CLASRP: variants seen among roughly 807,000 people sequenced by gnomAD.
The protein encoded by CLASRP is CLK4-associating serine/arginine rich protein.
In CLASRP, 52 loss-of-function variants were observed where a neutral mutation model predicts 99.9. That is an observed-to-expected ratio of 0.52 (90% confidence interval 0.42 to 0.66). The LOEUF (loss-of-function observed/expected upper bound fraction) is 0.66. CLASRP is among the 30% of genes least tolerant of loss of function. CLASRP has a pLI of 0.00. For missense variants in CLASRP, 848 were observed against 999.2 expected, an observed-to-expected ratio of 0.85 and a Z score of 2.04; for synonymous variants, 379 against 373.0, an observed-to-expected ratio of 1.02 and a Z score of -0.18.
intron 10 of CLASRP, 103 bp from the exon 11 acceptor site, chr19:45,062,051 C>A: frequency 1.3e-6 from 1 of 791,140 alleles, no homozygotes; most frequent in Non-Finnish European, 2.2e-6. Context: ...CTCACTGTGC[C>A]AGGTACCTAG....
At chr19:45,061,417 A>G (rs377585472) in intron 10 of CLASRP, among the ~76,000 whole-genome samples, 60 of 151,736 alleles carry the variant, frequency 4.0e-4, no homozygotes, top group African/African-American at 1.3e-3. Context: ...AATGCTGGAC[A>G]AGTGACTTCA....
At chr19:45,056,805 C>T (rs1972127642) in intron 6 of CLASRP, among the ~76,000 whole-genome samples, 1 of 152,202 alleles carries the variant, frequency 6.6e-6, no homozygotes, top group African/African-American at 2.4e-5. Context: ...TGAGTCCTGG[C>T]TGTGAGGCCC....
At position 45,057,752 on chromosome 19, in the gene CLASRP, T is replaced by A; in HGVS notation, c.467T>A (p.Leu156Gln). 3.7e-6 allele frequency: 6 copies of A among 1,613,944 alleles called. No homozygotes were observed. The highest frequency in any genetic ancestry group is 5.1e-6 in the Non-Finnish European group (6 of 1,179,890). ...QRPSEDEKKK[L>Q]AEKKASIGYT... is the part of the protein sequence containing the mutation. ...GCTTACCAGCTCCCCTTTCTCAGGC[T>A]GGCAGAGAAGAAGGCTTCCATCGGT... is the stretch of plus-strand genomic sequence containing the variant. The change falls in exon 7 of 21, where the codon CTG (leucine) becomes CAG (glutamine). Residue 156 changes from leucine (L) to glutamine (Q), a missense_variant and splice_region_variant. Around this residue, in one of 8 missense-constraint regions of CLASRP, gnomAD observed 119 missense variants for 170.2 expected, o/e 0.70. Coordinates refer to ENST00000221455, the MANE Select transcript of CLASRP (RefSeq NM_007056.3).
At chr19:45,040,094 C>T (rs1265438476) in intron 1 of CLASRP, 90 bp from the exon 2 acceptor site, 3 of 655,478 alleles carry the variant, frequency 4.6e-6, no homozygotes, top group East Asian at 2.9e-5. Flanking sequence ...TGTTTGGGAT[C>T]GACTCTGCCA....
At chr19:45,043,510 T>C (rs1971857059) in intron 2 of CLASRP, among the ~76,000 whole-genome samples, 1 of 152,044 alleles carries the variant, frequency 6.6e-6, no homozygotes, top group African/African-American at 2.4e-5. Context: ...GTCACGTTTG[T>C]ACCCTAGGGT....
intron 13 of CLASRP, among the ~76,000 whole-genome samples, chr19:45,066,475 T>C (rs535787411): frequency 3.0e-4 from 45 of 151,742 alleles, no homozygotes; most frequent in African/African-American, 8.2e-4. Context: ...ATTCAAAAAT[T>C]AGCCGGGTGT....
intron 7 of CLASRP, 183 bp downstream of exon 7, chr19:45,058,081 T>C: frequency 4.5e-6 from 3 of 666,340 alleles, no homozygotes; most frequent in Non-Finnish European, 5.1e-6. Flanking sequence ...CCGGCCTTCC[T>C]CTGCCTCACT....
intron 13 of CLASRP, 78 bp downstream of exon 13, chr19:45,064,708 G>C: frequency 6.8e-7 from 1 of 1,462,402 alleles, no homozygotes; most frequent in South Asian, 1.4e-5. Flanking sequence ...TGCTCAGAGG[G>C]AGGAAACCTG....
Position 45,067,392 on chromosome 19 carries a change from C to A in CLASRP, c.1465C>A (p.His489Asn). 1 of 1,534,834 alleles carries A rather than the reference C, an allele frequency of 6.5e-7. No individual in the cohort carries two copies. The highest frequency in any genetic ancestry group is 8.7e-7 in the Non-Finnish European group (1 of 1,145,138). ...YRRGGRGLRH[H>N]SSSRSRSSWS... is the part of the protein sequence containing the mutation. ...GCGGGGCGGCCGGGGCCTCAGGCAC[C>A]ACAGCAGTAGCCGCAGCCGCAGCAG... Residue 489 changes from histidine to asparagine, a missense_variant, in exon 14 of 21, where the codon CAC (histidine) becomes AAC (asparagine). Around this residue, in one of 8 missense-constraint regions of CLASRP, gnomAD observed 489 missense variants for 434.7 expected, o/e 1.12. Coordinates refer to ENST00000221455, the MANE Select transcript of CLASRP (RefSeq NM_007056.3). The surrounding 1 kb of genome is among the most constrained non-coding windows in gnomAD (Gnocchi z 4.9).
intron 2 of CLASRP, chr19:45,047,375 G>A (rs1971938406): frequency 7.4e-6 from 1 of 135,214 alleles, no homozygotes; most frequent in Non-Finnish European, 1.5e-5. Flanking sequence ...TCACACCACT[G>A]TACTCCAGCC....
At chr19:45,062,291 C>G (rs933109726) in intron 11 of CLASRP, 96 bp downstream of exon 11, 4 of 795,602 alleles carry the variant, frequency 5.0e-6, no homozygotes, top group African/African-American at 3.4e-5. Flanking sequence ...CCCTGCTAGG[C>G]CACCCCAAGA....
In CLASRP at chr19:45,067,615, G is replaced by A. The variant is rs758067299; in HGVS notation, c.1667+21G>A. ...AAAAAGTGAGCGGGGCGGGTCTGGA[G>A]GAAGAGGGCTGCCAATCTCGGGTGG... On this transcript the variant is annotated intron_variant, in intron 14 of 20. Transcript: ENST00000221455. This position sits in a 1 kb window ranked among gnomAD's most constrained non-coding sequence, Gnocchi z 4.9. 5.7e-5 allele frequency: 90 copies of A among 1,569,620 alleles called. No individual in the cohort carries two copies. The highest frequency in any genetic ancestry group is 7.5e-5 in the Non-Finnish European group (87 of 1,158,378).
rs185440418 is a variant in CLASRP at position 45,056,720 on chromosome 19, C to G, written c.464+186C>G. Among the ~76,000 whole-genome samples the G allele has an allele frequency of 3.7e-3, 566 of 152,280 alleles. 2 individuals carry two copies. Among genetic ancestry groups the G allele is most frequent in the African/African-American group, 0.013 (538 of 41,552 alleles). ...GCCCTGTCAGGGGGCCCCGGCTTGCCGAGGGCTCTGCGTTACATTTTCAGC... is the reference window on the plus strand; with the variant it reads ...GCCCTGTCAGGGGGCCCCGGCTTGCGGAGGGCTCTGCGTTACATTTTCAGC... On this transcript the variant is annotated intron_variant, in intron 6 of 20. Transcript: ENST00000221455.
intron 11 of CLASRP, among the ~76,000 whole-genome samples, chr19:45,063,027 G>T (rs1966976710): frequency 6.6e-6 from 1 of 152,162 alleles, no homozygotes; most frequent in Admixed American, 6.5e-5. Flanking sequence ...ATGGGGCTGT[G>T]GGTCGAGGTT....
At position 45,070,005 on chromosome 19, in the gene CLASRP, A is replaced by C. The variant is rs769220760; in HGVS notation, c.1875-17A>C. 1 of 1,478,964 alleles carries C rather than the reference A, an allele frequency of 6.8e-7. No individual in the cohort carries two copies. Among genetic ancestry groups the C allele is most frequent in the Admixed American group, 1.7e-5 (1 of 59,840 alleles). The allele number at this position is 1,478,964 out of a possible 1,614,324, so 91.6% of individuals were successfully genotyped here. ...GTCCAGTGTTCCCGGCCAGATGCTC[A>C]TGCCATGCCTTCGCAGGGAGCGGGA... On this transcript the variant is annotated splice_polypyrimidine_tract_variant and intron_variant, in intron 18 of 20. Coordinates refer to ENST00000221455, the MANE Select transcript of CLASRP (RefSeq NM_007056.3).
At chr19:45,054,375 A>ATT (rs1380147976) in intron 5 of CLASRP, among the ~76,000 whole-genome samples, 2 of 152,070 alleles carry the variant, frequency 1.3e-5, no homozygotes, top group African/African-American at 2.4e-5. Flanking sequence ...TCAGCCTCCC[A>ATT]AGTAGCTGGG....
At chr19:45,063,908 G>A (rs1967000192) in intron 11 of CLASRP, 104 bp from the exon 12 acceptor site, 1 of 1,458,158 alleles carries the variant, frequency 6.9e-7, no homozygotes, top group Middle Eastern at 2.5e-4. Flanking sequence ...GGTTTCCCGG[G>A]TCGCTGTGGC....
At chr19:45,040,759 T>A (rs939403603) in intron 2 of CLASRP, 2 of 161,378 alleles carry the variant, frequency 1.2e-5, no homozygotes, top group Non-Finnish European at 2.8e-5. Context: ...AGGTCACGAG[T>A]TCGAGACCAG....
At chr19:45,063,350 T>C (rs2122590433) in intron 11 of CLASRP, among the ~76,000 whole-genome samples, 1 of 151,654 alleles carries the variant, frequency 6.6e-6, no homozygotes, top group East Asian at 1.9e-4. Context: ...CCACACTCAG[T>C]GTTTTAGAAC....
Sources: allele counts gnomAD v4.1 joint callset (sites outside exome capture counted in the v4.1 genomes callset), GRCh38; gene constraint gnomAD v4.1.1; regional missense constraint gnomAD v4.1.1; non-coding constraint Gnocchi (gnomAD v3.1); transcripts MANE v1.5; gene names NCBI Gene and HGNC (gene_info 2026-07-23, HGNC 2026-07-21).